GBE1: variants seen among roughly 807,000 people sequenced by gnomAD.
GBE1 encodes the protein 1,4-alpha-glucan-branching enzyme.
A neutral mutation model predicts 88.8 loss-of-function variants in GBE1; 70 were observed. The ratio of observed to expected loss-of-function variants is 0.79; its 90% CI spans 0.65 to 0.96. The LOEUF is 0.96. Among genes scored for constraint, GBE1 ranks in the 40% least tolerant of loss-of-function variants. GBE1 has a pLI of 0.00. For missense variants in GBE1, 872 were observed against 871.0 expected (o/e 1.00, Z -0.01); for synonymous variants, 284 against 300.1 (o/e 0.95, Z 0.56).
At chr3:81,558,073 T>A (rs1703371623) in intron 12 of GBE1, among the ~76,000 whole-genome samples, 1 of 151,948 alleles carries the variant, frequency 6.6e-6, no homozygotes, top group Admixed American at 6.6e-5. Flanking sequence ...AACTATATAA[T>A]GAAGTTTGGC....
At chr3:81,521,958 C>T (rs186289487) in intron 14 of GBE1, among the ~76,000 whole-genome samples, 13 of 151,526 alleles carry the variant, frequency 8.6e-5, no homozygotes, top group African/African-American at 2.9e-4. Flanking sequence ...AATAAGAGAG[C>T]AGCATCAAAA....
At position 81,733,322 on chromosome 3, in the gene GBE1, G is replaced by A. The variant is rs1193251341; in HGVS notation, c.144-27709C>T. Among the ~76,000 whole-genome samples, 1 of 151,640 alleles carries A rather than the reference G, an allele frequency of 6.6e-6. No individual in the cohort carries two copies. The highest frequency in any genetic ancestry group is 2.4e-5 in the African/African-American group (1 of 41,254). ...ATCTAGTTGCAGGAAAACAAGCTCA[G>A]GGCTCCCACCAATTCTACATTATGG... is the stretch of plus-strand genomic sequence containing the variant. On this transcript the variant is annotated intron_variant, in intron 1 of 15. Transcript: ENST00000429644. The surrounding 1 kb of genome is among the most constrained non-coding windows in gnomAD (Gnocchi z 4.0).
chr3:81,625,558 C>T (rs1027399787), intron 7 of GBE1, among the ~76,000 whole-genome samples: 1 of 152,070 alleles, frequency 6.6e-6, no homozygotes, highest in Admixed American at 6.6e-5. Context: ...CCCACCTCAC[C>T]TCCCAAGTAT....
chr3:81,713,827 T>C (rs1705904287), intron 1 of GBE1, among the ~76,000 whole-genome samples: 2 of 152,124 alleles, frequency 1.3e-5, no homozygotes, highest in Admixed American at 1.3e-4. Context: ...CAGAAAACAG[T>C]AGAAATGAAA....
intron 7 of GBE1, among the ~76,000 whole-genome samples, chr3:81,594,374 A>G (rs1170870414): frequency 6.6e-6 from 1 of 152,082 alleles, no homozygotes; most frequent in Non-Finnish European, 1.5e-5. Flanking sequence ...TGCTCGAAAA[A>G]AGCAAAGGAA....
intron 1 of GBE1, among the ~76,000 whole-genome samples, chr3:81,758,045 A>C (rs558620849): frequency 1.3e-5 from 2 of 152,340 alleles, no homozygotes; most frequent in Admixed American, 6.5e-5. Context: ...GAGATAAAGA[A>C]AAGAGGGATC....
At chr3:81,682,034 G>A (rs944804683) in intron 2 of GBE1, among the ~76,000 whole-genome samples, 2 of 152,168 alleles carry the variant, frequency 1.3e-5, no homozygotes, top group African/African-American at 4.8e-5. Context: ...ATATTTGATA[G>A]GGGATGTGAA....
chr3:81,516,689 T>C (rs951494051), intron 14 of GBE1, among the ~76,000 whole-genome samples: 1 of 151,490 alleles, frequency 6.6e-6, no homozygotes. Flanking sequence ...TAGATGCCAT[T>C]AAGAACATTT....
intron 2 of GBE1, among the ~76,000 whole-genome samples, chr3:81,705,153 T>A (rs369004885): frequency 6.9e-4 from 105 of 152,210 alleles, no homozygotes; most frequent in African/African-American, 2.4e-3. Context: ...GCTAACAAAG[T>A]TAAGTAAATT....
intron 2 of GBE1, among the ~76,000 whole-genome samples, chr3:81,685,179 AG>A (rs1705415399): frequency 6.6e-6 from 1 of 152,170 alleles, no homozygotes; most frequent in South Asian, 2.1e-4. Context: ...TCCTTGCAGC[AG>A]CAGCTTTTCT....
At chr3:81,664,032 C>T (rs1705073348) in intron 3 of GBE1, among the ~76,000 whole-genome samples, 1 of 152,014 alleles carries the variant, frequency 6.6e-6, no homozygotes, top group South Asian at 2.1e-4. Flanking sequence ...AAAATATTTT[C>T]TCCGTGCATT....
At chr3:81,721,589 G>T (rs1414361076) in intron 1 of GBE1, among the ~76,000 whole-genome samples, 1 of 152,084 alleles carries the variant, frequency 6.6e-6, no homozygotes, top group Non-Finnish European at 1.5e-5. Flanking sequence ...TGCTCAAATG[G>T]TATATAATTA....
chr3:81,635,159 T>C (rs757132734), intron 7 of GBE1, among the ~76,000 whole-genome samples: 5 of 152,174 alleles, frequency 3.3e-5, no homozygotes, highest in Non-Finnish European at 5.9e-5. Context: ...TGAAAGGCTA[T>C]ACAGGTAAAA....
chr3:81,497,405 T>C (rs1702514623), intron 15 of GBE1, among the ~76,000 whole-genome samples: 1 of 152,174 alleles, frequency 6.6e-6, no homozygotes, highest in South Asian at 2.1e-4. Context: ...CATTTTACAG[T>C]TTCCAAAAAG....
At chr3:81,511,405 A>G (rs1702724278) in intron 14 of GBE1, among the ~76,000 whole-genome samples, 2 of 152,110 alleles carry the variant, frequency 1.3e-5, no homozygotes, top group South Asian at 4.1e-4. Context: ...AATGGGAGAA[A>G]ATATTTGCAA....
chr3:81,566,848 A>T (rs1200881155), intron 12 of GBE1, among the ~76,000 whole-genome samples: 1 of 152,122 alleles, frequency 6.6e-6, no homozygotes, highest in Admixed American at 6.6e-5. Flanking sequence ...TTGGAACTAC[A>T]GTTCTCCTTT....
intron 12 of GBE1, among the ~76,000 whole-genome samples, chr3:81,550,625 C>T (rs1167164299): frequency 6.6e-6 from 1 of 152,154 alleles, no homozygotes; most frequent in Non-Finnish European, 1.5e-5. Context: ...GTCATGAAGA[C>T]CTTGCTGATA....
At chr3:81,669,524 C>T (rs1007507970) in intron 3 of GBE1, among the ~76,000 whole-genome samples, 1 of 151,932 alleles carries the variant, frequency 6.6e-6, no homozygotes, top group African/African-American at 2.4e-5. Context: ...TTTACTTCTT[C>T]AAAGACTGAG....
At chr3:81,656,412 T>A (rs1188905030) in intron 3 of GBE1, among the ~76,000 whole-genome samples, 1 of 152,096 alleles carries the variant, frequency 6.6e-6, no homozygotes, top group Non-Finnish European at 1.5e-5. Context: ...TGGAACACAT[T>A]CTCCCCTAGA....
Sources: allele counts gnomAD v4.1 joint callset (sites outside exome capture counted in the v4.1 genomes callset), GRCh38; gene constraint gnomAD v4.1.1; non-coding constraint Gnocchi (gnomAD v3.1); transcripts MANE v1.5; gene names NCBI Gene and HGNC (gene_info 2026-07-23, HGNC 2026-07-21).